The following SMYD3 variants were observed in gnomAD, a reference collection of about 807,000 sequenced individuals.
SMYD3 encodes the protein SET and MYND domain containing 3, also known as histone-lysine N-methyltransferase SMYD3.
Under a neutral mutation model 57.7 loss-of-function variants are expected in SMYD3, and 36 were observed. That is an observed-to-expected ratio of 0.62 (90% CI 0.48 to 0.82). The LOEUF is 0.82. Among genes scored for constraint, SMYD3 ranks in the 40% least tolerant of loss-of-function variants. The pLI is 0.00. For synonymous variants in SMYD3, 211 were observed against 195.0 expected (o/e 1.08, Z -0.68); for missense variants, 515 against 538.8 (o/e 0.96, Z 0.44).
chr1:245,846,255 G>A (rs1170210001), intron 10 of SMYD3, among the ~76,000 whole-genome samples: 1 of 152,214 alleles, frequency 6.6e-6, no homozygotes, highest in Non-Finnish European at 1.5e-5. Context: ...CGACGGCCCA[G>A]ACTGCATCCC....
chr1:246,116,582 T>C (rs766982301), intron 5 of SMYD3, among the ~76,000 whole-genome samples: 47 of 152,156 alleles, frequency 3.1e-4, no homozygotes, highest in Non-Finnish European at 4.9e-4. Context: ...ATAGAATACA[T>C]CAAAACACCT....
intron 5 of SMYD3, among the ~76,000 whole-genome samples, chr1:246,166,981 T>C (rs2062225298): frequency 6.6e-6 from 1 of 152,158 alleles, no homozygotes; most frequent in African/African-American, 2.4e-5. Flanking sequence ...CAATCTGCAC[T>C]CCGTCTCTAT....
intron 5 of SMYD3, among the ~76,000 whole-genome samples, chr1:245,953,902 C>T (rs1486512908): frequency 6.6e-6 from 1 of 152,162 alleles, no homozygotes; most frequent in Non-Finnish European, 1.5e-5. Flanking sequence ...ATTGTACCTA[C>T]AGAAACACAA....
intron 10 of SMYD3, among the ~76,000 whole-genome samples, chr1:245,769,536 G>C (rs1268852478): frequency 6.6e-6 from 1 of 152,216 alleles, no homozygotes; most frequent in Non-Finnish European, 1.5e-5. Context: ...ATGGTAGCGG[G>C]AGAAGAATAC....
At chr1:246,474,448 G>A (rs1356638664) in intron 1 of SMYD3, among the ~76,000 whole-genome samples, 1 of 150,814 alleles carries the variant, frequency 6.6e-6, no homozygotes, top group East Asian at 2.0e-4. Flanking sequence ...GAACCCGGGA[G>A]GCAGAAGTTG....
At chr1:245,936,396 A>G (rs2056982711) in intron 5 of SMYD3, among the ~76,000 whole-genome samples, 1 of 151,846 alleles carries the variant, frequency 6.6e-6, no homozygotes, top group Non-Finnish European at 1.5e-5. Flanking sequence ...GAAGACCACG[A>G]AAGTCCCCAG....
intron 1 of SMYD3, among the ~76,000 whole-genome samples, chr1:246,409,994 T>C (rs1436682082): frequency 1.3e-5 from 2 of 151,810 alleles, no homozygotes; most frequent in East Asian, 1.9e-4. Flanking sequence ...TATTGGTATA[T>C]ATGCTTGTGA....
intron 1 of SMYD3, among the ~76,000 whole-genome samples, chr1:246,448,813 G>A (rs2067589916): frequency 6.7e-6 from 1 of 150,136 alleles, no homozygotes; most frequent in Non-Finnish European, 1.5e-5. Flanking sequence ...ACCAGAGAAA[G>A]CCAAAAATGT....
chr1:246,376,499 G>A (rs1408999193), intron 1 of SMYD3, among the ~76,000 whole-genome samples: 2 of 148,194 alleles, frequency 1.3e-5, no homozygotes, highest in Non-Finnish European at 3.0e-5. Context: ...GCTGAGGCAG[G>A]AGAATGGTGT....
At chr1:246,345,870 C>G (rs2065705121) in intron 2 of SMYD3, among the ~76,000 whole-genome samples, 1 of 152,152 alleles carries the variant, frequency 6.6e-6, no homozygotes, top group Non-Finnish European at 1.5e-5. Context: ...AAACAGAGAC[C>G]ACCCTTAAAC....
chr1:245,929,385 G>A (rs1442713750), intron 6 of SMYD3, among the ~76,000 whole-genome samples: 1 of 152,266 alleles, frequency 6.6e-6, no homozygotes, highest in Non-Finnish European at 1.5e-5. Flanking sequence ...TCAGTGGTAA[G>A]AGTCAGCTCA....
At chr1:245,765,077 C>CAAAAAAAAAAAAAAAAAAAAAAAA (rs746177324) in intron 10 of SMYD3, among the ~76,000 whole-genome samples, 1 of 128,350 alleles carries the variant, frequency 7.8e-6, no homozygotes, top group Non-Finnish European at 1.7e-5. Flanking sequence ...CACACACACA[C>CAAAAAAAAAAAAAAAAAAAAAAAA]AAAACCACAG....
chr1:246,474,866 AGGG>A (rs2068007540), intron 1 of SMYD3, among the ~76,000 whole-genome samples: 2 of 152,162 alleles, frequency 1.3e-5, no homozygotes, highest in Admixed American at 1.3e-4. Flanking sequence ...AGTAGCAGGA[AGGG>A]GAAGGCTTTG....
intron 10 of SMYD3, among the ~76,000 whole-genome samples, chr1:245,839,410 C>A (rs2050279809): frequency 6.6e-6 from 1 of 152,020 alleles, no homozygotes; most frequent in Non-Finnish European, 1.5e-5. Context: ...ACCTCGTGAT[C>A]CGCCCACCTC....
intron 5 of SMYD3, among the ~76,000 whole-genome samples, chr1:246,207,094 A>G (rs1344028564): frequency 6.6e-6 from 1 of 152,180 alleles, no homozygotes; most frequent in Non-Finnish European, 1.5e-5. Context: ...ATTACCTAAA[A>G]TGAACATAAT....
chr1:246,434,169 A>T (rs2067336625), intron 1 of SMYD3, among the ~76,000 whole-genome samples: 3 of 152,268 alleles, frequency 2.0e-5, no homozygotes, highest in Non-Finnish European at 4.4e-5. Context: ...GAATCCTAGA[A>T]GAAAACCATT....
intron 5 of SMYD3, among the ~76,000 whole-genome samples, chr1:246,063,224 C>T (rs1451622958): frequency 6.6e-6 from 1 of 152,162 alleles, no homozygotes; most frequent in Non-Finnish European, 1.5e-5. Flanking sequence ...AGGGCCTTCC[C>T]CCAGGGAGTC....
chr1:245,909,605 A>G (rs1386795418), intron 8 of SMYD3, among the ~76,000 whole-genome samples: 1 of 152,154 alleles, frequency 6.6e-6, no homozygotes, highest in Non-Finnish European at 1.5e-5. Flanking sequence ...CATTAAAAAG[A>G]TCATTCATCA....
chr1:246,350,049 A>G (rs2065797611), intron 2 of SMYD3, among the ~76,000 whole-genome samples: 1 of 152,244 alleles, frequency 6.6e-6, no homozygotes, highest in Non-Finnish European at 1.5e-5. Context: ...ACATATAAAT[A>G]GATTAAATGT....
Sources: allele counts gnomAD v4.1 joint callset (sites outside exome capture counted in the v4.1 genomes callset), GRCh38; gene constraint gnomAD v4.1.1; transcripts MANE v1.5; gene names NCBI Gene and HGNC (gene_info 2026-07-23, HGNC 2026-07-21).